Variants in GPC6 observed in about 807,000 individuals in gnomAD.
GPC6 encodes the protein glypican 6.
Under a neutral mutation model 55.2 loss-of-function variants are expected in GPC6, and 14 were observed. The ratio of observed to expected loss-of-function variants is 0.25; its 90% CI spans 0.17 to 0.40. GPC6 has a LOEUF of 0.40. Among genes scored for constraint, GPC6 ranks in the 10% least tolerant of loss-of-function variants. GPC6 has a pLI of 1.00. For missense variants in GPC6, 641 were observed against 708.5 expected, an observed-to-expected ratio of 0.90 and a Z score of 1.08; for synonymous variants, 278 against 259.6, an observed-to-expected ratio of 1.07 and a Z score of -0.68.
intron 3 of GPC6, among the ~76,000 whole-genome samples, chr13:93,865,298 CT>C (rs945920185): frequency 6.6e-6 from 1 of 151,658 alleles, no homozygotes; most frequent in African/African-American, 2.4e-5. Flanking sequence ...AGCAAGTTTT[CT>C]ATCTATTTTC....
intron 1 of GPC6, among the ~76,000 whole-genome samples, chr13:93,467,599 T>TTA (rs1222337534): frequency 1.2e-4 from 17 of 138,602 alleles, no homozygotes; most frequent in African/African-American, 4.5e-4. Context: ...TTTTTTTTTT[T>TTA]GAGACATGGT....
At chr13:94,260,288 T>G (rs1891619434) in intron 4 of GPC6, among the ~76,000 whole-genome samples, 1 of 152,174 alleles carries the variant, frequency 6.6e-6, no homozygotes, top group African/African-American at 2.4e-5. Context: ...AAGCTGTGCT[T>G]TGAAGATCAG....
intron 4 of GPC6, among the ~76,000 whole-genome samples, chr13:94,064,247 T>A (rs369571911): frequency 1.3e-5 from 2 of 152,360 alleles, no homozygotes; most frequent in East Asian, 3.9e-4. Flanking sequence ...TCAGTTCGTC[T>A]ATCTAAAACA....
chr13:93,815,508 T>C (rs960221229), intron 2 of GPC6, among the ~76,000 whole-genome samples: 3 of 152,312 alleles, frequency 2.0e-5, no homozygotes, highest in South Asian at 2.1e-4. Context: ...CAGTCACTAA[T>C]TGATACTTTA....
At chr13:93,876,652 A>G (rs2140306043) in intron 3 of GPC6, among the ~76,000 whole-genome samples, 1 of 152,192 alleles carries the variant, frequency 6.6e-6, no homozygotes, top group East Asian at 1.9e-4. Flanking sequence ...ATTTTAAAAC[A>G]CTTCTCTCAC....
intron 1 of GPC6, among the ~76,000 whole-genome samples, chr13:93,290,699 A>G (rs1184102794): frequency 1.3e-5 from 2 of 152,106 alleles, no homozygotes; most frequent in African/African-American, 2.4e-5. Flanking sequence ...GAAAATTAGT[A>G]TAACTTTGAT....
In GPC6 at chr13:93,762,559, C is replaced by T. The variant is rs368367046; in HGVS notation, c.320-67595C>T. Among the ~76,000 whole-genome samples the T allele has an allele frequency of 1.3e-4, 20 of 152,228 alleles. No individual in the cohort carries two copies. In the East Asian group the frequency reaches 3.7e-3, roughly 28 times the overall value. On this transcript the variant is annotated intron_variant, in intron 2 of 8. Transcript: ENST00000377047. Reference sequence around the variant, plus strand: ...AACAGGCAGGTGAAGGAGAAAGAAGCTACTGAGAGTTACAAAGCATGCAGT... The same window carrying T: ...AACAGGCAGGTGAAGGAGAAAGAAGTTACTGAGAGTTACAAAGCATGCAGT...
At chr13:94,366,909 G>A (rs980713875) in intron 6 of GPC6, among the ~76,000 whole-genome samples, 2 of 152,184 alleles carry the variant, frequency 1.3e-5, no homozygotes, top group African/African-American at 4.8e-5. Context: ...GCTTGCAAAG[G>A]AACAAAGCCA....
intron 1 of GPC6, among the ~76,000 whole-genome samples, chr13:93,450,530 C>G (rs1456401768): frequency 6.6e-6 from 1 of 152,232 alleles, no homozygotes; most frequent in Non-Finnish European, 1.5e-5. Flanking sequence ...GAACCTCCCA[C>G]TCCCACACAA....
At position 94,023,599 on chromosome 13, in the gene GPC6, T is replaced by C. The variant is rs116207667; in HGVS notation, c.712-4130T>C. 5.5e-3 allele frequency among the ~76,000 whole-genome samples: 832 copies of C among 152,132 alleles called. 10 individuals carry two copies. The highest frequency in any genetic ancestry group is 0.019 in the African/African-American group (781 of 41,542). On this transcript the variant is annotated intron_variant, in intron 3 of 8. Transcript: ENST00000377047. ...AAAACGAAACATACTCTTACCACCA[T>C]GTGATCCAGCAATTGCACCCTTGGG...
intron 3 of GPC6, among the ~76,000 whole-genome samples, chr13:93,911,506 T>C (rs1213404889): frequency 2.6e-5 from 4 of 152,038 alleles, no homozygotes; most frequent in Non-Finnish European, 5.9e-5. Context: ...ATGTGAGGCA[T>C]GATATTGAGA....
intron 1 of GPC6, among the ~76,000 whole-genome samples, chr13:93,441,910 C>G (rs550513894): frequency 7.8e-4 from 119 of 152,146 alleles, no homozygotes; most frequent in Middle Eastern, 6.8e-3. Flanking sequence ...GGGCATTGGA[C>G]ATAAACCTTT....
intron 6 of GPC6, among the ~76,000 whole-genome samples, chr13:94,308,667 T>C (rs1369095950): frequency 6.6e-6 from 1 of 152,230 alleles, no homozygotes; most frequent in Non-Finnish European, 1.5e-5. Flanking sequence ...ATTGCAGTTT[T>C]ACTGATTTTT....
At chr13:93,819,632 G>A (rs1299983086) in intron 2 of GPC6, among the ~76,000 whole-genome samples, 5 of 152,160 alleles carry the variant, frequency 3.3e-5, no homozygotes, top group African/African-American at 4.8e-5. Flanking sequence ...AGTCAACTGC[G>A]AAAGCATCTC....
chr13:93,302,213 G>A (rs1878704819), intron 1 of GPC6, among the ~76,000 whole-genome samples: 1 of 152,168 alleles, frequency 6.6e-6, no homozygotes, highest in East Asian at 1.9e-4. Flanking sequence ...CTTAAAACGT[G>A]TGGGATCTGG....
Position 93,930,275 on chromosome 13 carries a change from G to GTTTTTT in GPC6, c.712-97446_712-97441dup, listed in dbSNP as rs35858695. Reference sequence around the variant, plus strand: ...TTTTAAAGGTTATTGGAAACGAAAGGTTTTTTTTTTTTTGTAGACAGAGTC... The same window carrying GTTTTTT: ...TTTTAAAGGTTATTGGAAACGAAAGGTTTTTTTTTTTTTTTTTTTGTAGACAGAGTC... On this transcript the variant is annotated intron_variant, in intron 3 of 8. Transcript: ENST00000377047. 4.5e-4 allele frequency among the ~76,000 whole-genome samples: 56 copies of GTTTTTT among 123,842 alleles called. 4 individuals are homozygous for GTTTTTT. The highest frequency in any genetic ancestry group is 1.7e-3 in the African/African-American group (54 of 31,294). 81.2% of individuals were successfully genotyped at this position (123,842 alleles called of 152,430 possible).
intron 4 of GPC6, among the ~76,000 whole-genome samples, chr13:94,196,731 T>C (rs561084496): frequency 6.6e-6 from 1 of 152,328 alleles, no homozygotes; most frequent in East Asian, 1.9e-4. Context: ...ATAAGGCGTT[T>C]CTTAAACATG....
chr13:93,542,642 C>G (rs1882364486), intron 1 of GPC6, among the ~76,000 whole-genome samples: 1 of 152,144 alleles, frequency 6.6e-6, no homozygotes, highest in Non-Finnish European at 1.5e-5. Context: ...GATATTGATT[C>G]TTCCTACCCA....
intron 4 of GPC6, among the ~76,000 whole-genome samples, chr13:94,093,862 C>T (rs1885578632): frequency 1.3e-5 from 2 of 151,994 alleles, no homozygotes; most frequent in South Asian, 4.1e-4. Context: ...GGAGAGCTCA[C>T]TGAGTATTCA....
Sources: allele counts gnomAD v4.1 joint callset (sites outside exome capture counted in the v4.1 genomes callset), GRCh38; gene constraint gnomAD v4.1.1; transcripts MANE v1.5; gene names NCBI Gene and HGNC (gene_info 2026-07-23, HGNC 2026-07-21).